Variants in FAM117A observed in about 807,000 individuals in gnomAD.
FAM117A encodes the protein family with sequence similarity 117 member A.
In FAM117A, 21 loss-of-function variants were observed where a neutral mutation model predicts 44.1. The observed-to-expected ratio is 0.48, with a 90% CI of 0.34 to 0.69. The LOEUF is 0.69. Among genes scored for constraint, FAM117A ranks in the 30% least tolerant of loss-of-function variants. The pLI, the probability that FAM117A is intolerant of heterozygous loss-of-function variation, is 0.01. For missense variants in FAM117A, 498 were observed against 589.9 expected, an observed-to-expected ratio of 0.84 and a Z score of 1.61; for synonymous variants, 220 against 238.3, an observed-to-expected ratio of 0.92 and a Z score of 0.71.
chr17:49,788,744 T>TACAGAGGCCGCC (rs2073840277), upstream of FAM117A: 4 of 1,430,458 alleles, frequency 2.8e-6, no homozygotes, highest in South Asian at 5.0e-5. Flanking sequence ...TTGGGACTGA[T>TACAGAGGCCGCC]ACAGAGGCCG....
rs181211951 is a variant in FAM117A at position 49,787,201 on chromosome 17, C to T, written c.-621+1296G>A. On this transcript the variant is annotated intron_variant, in intron 1 of 7. Transcript: ENST00000513602. ...GGGAGCCAGAACATTCAAATGTAAC[C>T]TCAGGAACATATCCGTGAGTGCAAA... Among the ~76,000 whole-genome samples, 238 of 152,290 alleles carry T rather than the reference C, an allele frequency of 1.6e-3. 1 individual carries two copies. Among genetic ancestry groups the T allele is most frequent in the African/African-American group, 5.3e-3 (221 of 41,550 alleles).
At chr17:49,781,968 C>T (rs2073790808) in intron 1 of FAM117A, among the ~76,000 whole-genome samples, 1 of 147,240 alleles carries the variant, frequency 6.8e-6, no homozygotes, top group Non-Finnish European at 1.5e-5. Flanking sequence ...AGAGCAAGAT[C>T]CTGTCTCAAA....
intron 2 of FAM117A, among the ~76,000 whole-genome samples, chr17:49,724,770 G>A (rs2073551808): frequency 6.9e-6 from 1 of 144,810 alleles, no homozygotes. Flanking sequence ...GCAGTGAGCT[G>A]AGATTGCACC....
At chr17:49,711,622 G>A (rs1598016581) in intron 7 of FAM117A, 67 bp from the exon 8 acceptor site, 26 of 1,470,920 alleles carry the variant, frequency 1.8e-5, no homozygotes, top group South Asian at 8.1e-5. Flanking sequence ...AGCGAGAGAG[G>A]GTGAGATGTC....
chr17:49,762,287 G>A (rs1322272819), intron 1 of FAM117A, among the ~76,000 whole-genome samples: 1 of 152,126 alleles, frequency 6.6e-6, no homozygotes, highest in Non-Finnish European at 1.5e-5. Context: ...CCAACTTCCC[G>A]GGGTTTCAAG....
chr17:49,789,019 C>T (rs2073846735), upstream of FAM117A: 1 of 520,912 alleles, frequency 1.9e-6, no homozygotes, highest in South Asian at 4.1e-5. Flanking sequence ...GGGCCCGACC[C>T]TGGCCTCGGC....
At chr17:49,732,881 T>C in intron 1 of FAM117A, 161 bp from the exon 2 acceptor site, 1 of 718,892 alleles carries the variant, frequency 1.4e-6, no homozygotes, top group Non-Finnish European at 2.3e-6. Flanking sequence ...GCACATATGG[T>C]CTGACAAGAC....
intron 1 of FAM117A, among the ~76,000 whole-genome samples, chr17:49,754,647 G>A (rs1405784811): frequency 6.6e-6 from 1 of 152,034 alleles, no homozygotes; most frequent in African/African-American, 2.4e-5. Context: ...GGGGTAGAGA[G>A]GAGAAGAAGG....
intron 1 of FAM117A, among the ~76,000 whole-genome samples, chr17:49,741,642 G>A (rs2073635028): frequency 6.6e-6 from 1 of 152,188 alleles, no homozygotes; most frequent in South Asian, 2.1e-4. Flanking sequence ...CAGCATTTCT[G>A]TTAGAGGGAA....
chr17:49,737,670 C>A (rs775767913), intron 1 of FAM117A, among the ~76,000 whole-genome samples: 1 of 152,192 alleles, frequency 6.6e-6, no homozygotes, highest in Non-Finnish European at 1.5e-5. Context: ...TTACGTTGTG[C>A]TTTCAAGTTT....
chr17:49,778,899 T>A (rs146108356), intron 1 of FAM117A, among the ~76,000 whole-genome samples: 246 of 152,258 alleles, frequency 1.6e-3, no homozygotes, highest in African/African-American at 5.6e-3. Context: ...CAGTGTGCAA[T>A]AAGAGCATGG....
At chr17:49,771,446 G>A (rs931683370) in intron 1 of FAM117A, among the ~76,000 whole-genome samples, 8 of 151,288 alleles carry the variant, frequency 5.3e-5, no homozygotes, top group South Asian at 2.1e-4. Flanking sequence ...AGAAGATGCC[G>A]CTCTTTGGAC....
At chr17:49,714,753 T>A (rs1324333664) in intron 7 of FAM117A, among the ~76,000 whole-genome samples, 1 of 151,796 alleles carries the variant, frequency 6.6e-6, no homozygotes, top group Non-Finnish European at 1.5e-5. Flanking sequence ...TTCAAGCGAT[T>A]CTCCTGCCTC....
chr17:49,732,808 T>G (rs2073592245), intron 1 of FAM117A, 88 bp from the exon 2 acceptor site: 5 of 1,403,846 alleles, frequency 3.6e-6, no homozygotes, highest in Non-Finnish European at 4.9e-6. Flanking sequence ...AGATGTGGCC[T>G]GCCTGCCCCG....
chr17:49,716,103 A>T, intron 7 of FAM117A, 62 bp downstream of exon 7: 1 of 1,575,786 alleles, frequency 6.3e-7, no homozygotes, highest in South Asian at 1.1e-5. Flanking sequence ...CCAAGACTGA[A>T]GAAGGTGGGA....
At chr17:49,761,849 C>G (rs142514801) in intron 1 of FAM117A, among the ~76,000 whole-genome samples, 1 of 152,354 alleles carries the variant, frequency 6.6e-6, no homozygotes, top group Non-Finnish European at 1.5e-5. Context: ...TTTTTCCCCT[C>G]TCCTGCCATA....
At chr17:49,764,949 A>G (rs1003513210), upstream of FAM117A, among the ~76,000 whole-genome samples, 1 of 152,198 alleles carries the variant, frequency 6.6e-6, no homozygotes, top group African/African-American at 2.4e-5. Context: ...AGCAGAGTGA[A>G]AGGAACAAAG....
upstream of FAM117A, among the ~76,000 whole-genome samples, chr17:49,767,941 T>G (rs373359099): frequency 2.0e-5 from 3 of 152,004 alleles, no homozygotes; most frequent in East Asian, 5.8e-4. Context: ...TTATAGATAC[T>G]AAGTGTATCA....
At chr17:49,788,728 G>T, upstream of FAM117A, 2 of 1,241,290 alleles carry the variant, frequency 1.6e-6, no homozygotes, top group Non-Finnish European at 1.1e-6. Flanking sequence ...GGGATCGTCC[G>T]CAGGATTGGG....
Sources: allele counts gnomAD v4.1 joint callset (sites outside exome capture counted in the v4.1 genomes callset), GRCh38; gene constraint gnomAD v4.1.1; transcripts MANE v1.5; gene names NCBI Gene and HGNC (gene_info 2026-07-23, HGNC 2026-07-21).